The following GRM7 variants were observed in gnomAD, a reference collection of about 807,000 sequenced individuals.
GRM7 encodes glutamate metabotropic receptor 7, also known as metabotropic glutamate receptor 7.
Under a neutral mutation model 84.5 loss-of-function variants are expected in GRM7, and 35 were observed. That is an observed-to-expected ratio of 0.41 (90% CI 0.32 to 0.55). The LOEUF (loss-of-function observed/expected upper bound fraction) is 0.55. GRM7 is among the 20% of genes least tolerant of loss of function. The probability of loss-of-function intolerance (pLI) is 0.19; values close to 1 mark genes in which losing one functional copy is unlikely to be tolerated. For missense variants in GRM7, 1,003 were observed against 1,194.6 expected, an observed-to-expected ratio of 0.84 and a Z score of 2.36; for synonymous variants, 487 against 455.1, an observed-to-expected ratio of 1.07 and a Z score of -0.89.
Position 7,426,482 on chromosome 3 carries a change from AT to A in GRM7, c.1174+11329del, listed in dbSNP as rs200900054. On this transcript the variant is annotated intron_variant, in intron 5 of 9. Transcript: ENST00000357716. ...TTGTATATGCTGTTTCTCTGCCTGG[AT>A]TTTTTTTTTCCCCCAATACAACTTT... 1.3e-3 allele frequency among the ~76,000 whole-genome samples: 191 copies of A among 149,012 alleles called. 5 individuals carry two copies. In the South Asian group the frequency reaches 0.027, roughly 21 times the overall value.
At chr3:7,694,492 C>A in intron 9 of GRM7, 1 of 353,882 alleles carries the variant, frequency 2.8e-6, no homozygotes, top group Non-Finnish European at 4.0e-6. Flanking sequence ...TTGTTTGGAA[C>A]AACCTGCAGG....
chr3:7,274,042 T>G (rs1698963378), intron 2 of GRM7, among the ~76,000 whole-genome samples: 1 of 151,986 alleles, frequency 6.6e-6, no homozygotes. Context: ...TGCCTTTTAC[T>G]TGGTTTTGGT....
intron 1 of GRM7, among the ~76,000 whole-genome samples, chr3:6,886,321 A>C (rs1695692663): frequency 6.6e-6 from 1 of 152,074 alleles, no homozygotes; most frequent in Non-Finnish European, 1.5e-5. Flanking sequence ...GGAGCATCAC[A>C]CACCCACACA....
At chr3:7,233,587 G>A (rs1697260082) in intron 2 of GRM7, among the ~76,000 whole-genome samples, 1 of 151,952 alleles carries the variant, frequency 6.6e-6, no homozygotes, top group South Asian at 2.1e-4. Flanking sequence ...AGACTATATG[G>A]GTTTTTTTGT....
At position 7,025,244 on chromosome 3, in the gene GRM7, A is replaced by G. The variant is rs1286825510; in HGVS notation, c.520-121208A>G. On this transcript the variant is annotated intron_variant, in intron 1 of 9. Coordinates refer to ENST00000357716, the MANE Select transcript of GRM7 (RefSeq NM_000844.4). ...TCAAGGTGAGCTAAGTAGCAATCTTAACTCCACCTATGACTTTAGTTCTCC... is the reference window on the plus strand; with the variant it reads ...TCAAGGTGAGCTAAGTAGCAATCTTGACTCCACCTATGACTTTAGTTCTCC... Among the ~76,000 whole-genome samples the G allele has an allele frequency of 2.0e-5, 3 of 152,184 alleles. No homozygotes were observed. The East Asian group carries it at 5.8e-4, about 29-fold the overall frequency.
intron 8 of GRM7, among the ~76,000 whole-genome samples, chr3:7,619,929 C>A (rs1255925560): frequency 6.6e-6 from 1 of 152,102 alleles, no homozygotes; most frequent in Non-Finnish European, 1.5e-5. Flanking sequence ...AGTCCAATGA[C>A]GTTTTTCTTA....
intron 7 of GRM7, among the ~76,000 whole-genome samples, chr3:7,560,650 C>T (rs757856564): frequency 2.0e-5 from 3 of 152,042 alleles, no homozygotes; most frequent in Non-Finnish European, 4.4e-5. Context: ...GTTTGAGAAG[C>T]ACTGTTCTAA....
intron 2 of GRM7, among the ~76,000 whole-genome samples, chr3:7,153,606 G>T (rs1694355705): frequency 6.6e-6 from 1 of 152,034 alleles, no homozygotes; most frequent in South Asian, 2.1e-4. Flanking sequence ...GCAGTTGAAA[G>T]TTTTTCTAAT....
intron 1 of GRM7, among the ~76,000 whole-genome samples, chr3:7,131,102 G>A (rs925644931): frequency 6.6e-6 from 1 of 152,020 alleles, no homozygotes; most frequent in African/African-American, 2.4e-5. Context: ...TATTCATCCA[G>A]GAGCTAGGAA....
At chr3:7,433,036 G>T (rs563585284) in intron 5 of GRM7, among the ~76,000 whole-genome samples, 3 of 152,008 alleles carry the variant, frequency 2.0e-5, no homozygotes, top group East Asian at 1.9e-4. Context: ...ATGCCAACCA[G>T]AATTAAAAAA....
intron 3 of GRM7, among the ~76,000 whole-genome samples, chr3:7,305,345 T>C (rs868093206): frequency 7.2e-4 from 39 of 54,412 alleles, no homozygotes; most frequent in South Asian, 3.2e-3. Context: ...TTTTTTTTCT[T>C]TTTTTTTTTT....
At chr3:7,077,754 G>T (rs918482108) in intron 1 of GRM7, among the ~76,000 whole-genome samples, 19 of 152,142 alleles carry the variant, frequency 1.2e-4, no homozygotes, top group African/African-American at 4.3e-4. Flanking sequence ...AATAAAAAAA[G>T]AAAATTGTGT....
intron 4 of GRM7, among the ~76,000 whole-genome samples, chr3:7,347,396 T>A (rs993980142): frequency 6.6e-5 from 10 of 152,184 alleles, no homozygotes; most frequent in African/African-American, 2.4e-4. Context: ...TTCCGAATGC[T>A]TTAGTTCACC....
At chr3:7,222,629 C>T (rs1355696113) in intron 2 of GRM7, among the ~76,000 whole-genome samples, 1 of 152,170 alleles carries the variant, frequency 6.6e-6, no homozygotes, top group African/African-American at 2.4e-5. Flanking sequence ...CTGAGCCTGA[C>T]AGCCTTCTGA....
intron 1 of GRM7, among the ~76,000 whole-genome samples, chr3:7,016,356 C>G (rs1319458574): frequency 1.3e-5 from 2 of 152,132 alleles, no homozygotes; most frequent in Non-Finnish European, 2.9e-5. Context: ...GATAGGAGAT[C>G]AGTTTGAAAT....
intron 4 of GRM7, among the ~76,000 whole-genome samples, chr3:7,370,752 G>A (rs955781306): frequency 3.9e-5 from 6 of 152,074 alleles, no homozygotes; most frequent in Non-Finnish European, 8.8e-5. Context: ...AGAAGAAATC[G>A]TGTACATCAG....
chr3:7,198,241 G>A (rs550996812), intron 2 of GRM7, among the ~76,000 whole-genome samples: 10 of 152,048 alleles, frequency 6.6e-5, no homozygotes, highest in African/African-American at 2.2e-4. Flanking sequence ...CAACAGCACA[G>A]ATGAATCTTC....
intron 4 of GRM7, among the ~76,000 whole-genome samples, chr3:7,391,334 A>G (rs1333040527): frequency 6.6e-6 from 1 of 152,206 alleles, no homozygotes; most frequent in Non-Finnish European, 1.5e-5. Context: ...GATAGACTGG[A>G]TTAAGAAAAT....
intron 8 of GRM7, among the ~76,000 whole-genome samples, chr3:7,642,328 CA>C (rs201488568): frequency 4.0e-5 from 6 of 150,050 alleles, no homozygotes; most frequent in Admixed American, 6.6e-5. Flanking sequence ...CTAAGAATCT[CA>C]AAAAAAAAGT....
Sources: gnomAD v4.1 joint callset for allele counts (sites outside exome capture counted in the v4.1 genomes callset) on GRCh38, gnomAD v4.1.1 for gene constraint, MANE v1.5 for transcripts, NCBI Gene and HGNC (gene_info 2026-07-23, HGNC 2026-07-21) for gene names.